Variants in PDHX observed in about 807,000 individuals in gnomAD.
PDHX encodes pyruvate dehydrogenase protein X component, mitochondrial.
Under a neutral mutation model 55.3 loss-of-function variants are expected in PDHX, and 33 were observed. That is an observed-to-expected ratio of 0.60 (90% CI 0.45 to 0.80). PDHX has a LOEUF of 0.80. Among genes scored for constraint, PDHX ranks in the 30% least tolerant of loss-of-function variants. The probability of loss-of-function intolerance (pLI) is 0.00; values close to 1 mark genes in which losing one functional copy is unlikely to be tolerated. For missense variants in PDHX, 622 were observed against 619.9 expected (o/e 1.00, Z -0.04); for synonymous variants, 226 against 219.4 (o/e 1.03, Z -0.27).
chr11:34,956,438 G>T (rs542348260), intron 3 of PDHX, among the ~76,000 whole-genome samples: 1 of 152,042 alleles, frequency 6.6e-6, no homozygotes, highest in South Asian at 2.1e-4. Context: ...TCATTCTATT[G>T]TTCATTAAAT....
intron 5 of PDHX, among the ~76,000 whole-genome samples, chr11:34,963,755 A>G (rs1354895908): frequency 1.3e-5 from 2 of 152,254 alleles, no homozygotes; most frequent in Admixed American, 6.5e-5. Context: ...CATTGCTCAG[A>G]ATACATGTTG....
intron 2 of PDHX, among the ~76,000 whole-genome samples, chr11:34,945,686 A>G (rs1854604726): frequency 6.6e-6 from 1 of 152,108 alleles, no homozygotes; most frequent in South Asian, 2.1e-4. Flanking sequence ...GTTTCTTTAC[A>G]TTGTATCTAA....
At chr11:34,968,609 G>A (rs1855187251) in intron 6 of PDHX, among the ~76,000 whole-genome samples, 1 of 152,174 alleles carries the variant, frequency 6.6e-6, no homozygotes, top group African/African-American at 2.4e-5. Flanking sequence ...TTATGAATCT[G>A]TAAGAAATAA....
chr11:34,980,208 A>G (rs929804622), intron 8 of PDHX, among the ~76,000 whole-genome samples: 2 of 151,196 alleles, frequency 1.3e-5, no homozygotes, highest in Admixed American at 6.6e-5. Flanking sequence ...TCTGACCTCT[A>G]TCTCACTTCT....
intron 8 of PDHX, among the ~76,000 whole-genome samples, chr11:34,981,147 C>T (rs1340135171): frequency 1.3e-5 from 2 of 152,054 alleles, no homozygotes; most frequent in Admixed American, 6.6e-5. Flanking sequence ...TGTCCTTCCC[C>T]CCTCCCCCAA....
chr11:34,971,765 G>T (rs1472079469), intron 7 of PDHX, among the ~76,000 whole-genome samples: 3 of 151,754 alleles, frequency 2.0e-5, no homozygotes, highest in Non-Finnish European at 4.4e-5. Flanking sequence ...TTTCAGATTT[G>T]TTATCTTATC....
At position 34,916,635 on chromosome 11, in the gene PDHX, G is replaced by A. The variant is rs763059743; in HGVS notation, c.-21G>A. 5.6e-6 allele frequency: 9 copies of A among 1,604,378 alleles called. No individual in the cohort carries two copies. In the East Asian group the frequency reaches 1.1e-4, roughly 20 times the overall value. ...TGGACATCAGGCTGTGCTGCGGGCA[G>A]CCAGTGAGAAGGCCGTCAAGATGGC... On this transcript the variant is annotated 5_prime_UTR_variant, in exon 1 of 11. Transcript: ENST00000227868.
At chr11:34,940,210 C>T (rs1854440157) in intron 2 of PDHX, among the ~76,000 whole-genome samples, 1 of 152,142 alleles carries the variant, frequency 6.6e-6, no homozygotes, top group African/African-American at 2.4e-5. Context: ...TAGCCACACC[C>T]ACAGTGCCTA....
At chr11:34,966,931 A>C in intron 6 of PDHX, 117 bp downstream of exon 6, 1 of 856,378 alleles carries the variant, frequency 1.2e-6, no homozygotes, top group South Asian at 1.5e-5. Flanking sequence ...GGCTCACTGC[A>C]GCCTCTGCCT....
intron 3 of PDHX, among the ~76,000 whole-genome samples, chr11:34,954,789 C>T (rs1181041019): frequency 6.6e-6 from 1 of 152,116 alleles, no homozygotes. Flanking sequence ...TTCTAAGGGC[C>T]TTACATATAA....
At chr11:34,933,557 C>T (rs574370806) in intron 2 of PDHX, among the ~76,000 whole-genome samples, 6 of 152,270 alleles carry the variant, frequency 3.9e-5, no homozygotes, top group South Asian at 2.1e-4. Context: ...AGGTTAGGAA[C>T]GACCCTGTGA....
At chr11:34,936,083 A>G (rs1294312371) in intron 2 of PDHX, among the ~76,000 whole-genome samples, 2 of 152,352 alleles carry the variant, frequency 1.3e-5, no homozygotes, top group East Asian at 3.9e-4. Flanking sequence ...GAAGAGGGCT[A>G]ACAAGTATTT....
intron 9 of PDHX, among the ~76,000 whole-genome samples, chr11:34,990,519 AT>A (rs1310963930): frequency 2.6e-5 from 4 of 152,040 alleles, no homozygotes; most frequent in Non-Finnish European, 5.9e-5. Flanking sequence ...AGTTTTTTTC[AT>A]TTGTGGTAAT....
At chr11:34,919,011 C>G (rs1853810432) in intron 1 of PDHX, among the ~76,000 whole-genome samples, 1 of 152,162 alleles carries the variant, frequency 6.6e-6, no homozygotes, top group Admixed American at 6.5e-5. Context: ...TGAGTAGAAA[C>G]CTTAATTCCA....
intron 2 of PDHX, among the ~76,000 whole-genome samples, chr11:34,946,034 C>T (rs189043478): frequency 2.0e-5 from 3 of 152,160 alleles, no homozygotes; most frequent in Admixed American, 1.3e-4. Context: ...AACATTGCAG[C>T]CTCAGTCTTT....
At chr11:34,945,929 A>G (rs1272417894) in intron 2 of PDHX, among the ~76,000 whole-genome samples, 3 of 152,180 alleles carry the variant, frequency 2.0e-5, no homozygotes, top group African/African-American at 7.2e-5. Context: ...ATGAGAGTAT[A>G]CATCTCCAGT....
Position 34,994,939 on chromosome 11 carries a change from A to G in PDHX, c.1273A>G (p.Ile425Val), listed in dbSNP as rs368548573. 1.9e-6 allele frequency: 3 copies of G among 1,613,750 alleles called. No homozygotes were observed. The highest frequency in any genetic ancestry group is 2.5e-6 in the Non-Finnish European group (3 of 1,179,870). ...FSISNLGMFG[I>V]DEFTAVINPP... ...TATTTCCAACTTGGGGATGTTTGGC[A>G]TCGACGAATTTACTGCAGTGATTAA... Residue 425 changes from isoleucine to valine, a missense_variant, in exon 11 of 11, where the codon ATC (isoleucine) becomes GTC (valine). Physicochemically the swap from Ile to Val is conservative, Grantham distance 29. Transcript: ENST00000227868.
intron 7 of PDHX, among the ~76,000 whole-genome samples, chr11:34,974,862 T>A (rs1478564990): frequency 6.6e-6 from 1 of 152,168 alleles, no homozygotes; most frequent in Non-Finnish European, 1.5e-5. Context: ...GAGCTATAAT[T>A]GCACCACTTA....
At chr11:34,926,711 A>T (rs933412106) in intron 1 of PDHX, among the ~76,000 whole-genome samples, 2 of 152,040 alleles carry the variant, frequency 1.3e-5, no homozygotes, top group African/African-American at 4.8e-5. Flanking sequence ...TTCATGAATC[A>T]ATCATCAATT....
Sources: allele counts gnomAD v4.1 joint callset (sites outside exome capture counted in the v4.1 genomes callset), GRCh38; gene constraint gnomAD v4.1.1; transcripts MANE v1.5; gene names NCBI Gene and HGNC (gene_info 2026-07-23, HGNC 2026-07-21).